Variants in EPHA4 observed in about 807,000 individuals in gnomAD.
The protein encoded by EPHA4 is EPH receptor A4.
Under a neutral mutation model 108.3 loss-of-function variants are expected in EPHA4, and 19 were observed. The observed-to-expected ratio is 0.18, with a 90% confidence interval of 0.12 to 0.26. The LOEUF is 0.26. Among genes scored for constraint, EPHA4 ranks in the 10% least tolerant of loss-of-function variants. The probability of loss-of-function intolerance (pLI) is 1.00; values close to 1 mark genes in which losing one functional copy is unlikely to be tolerated. For synonymous variants in EPHA4, 449 were observed against 455.5 expected (o/e 0.99, Z 0.18); for missense variants, 917 against 1,254.0 (o/e 0.73, Z 4.06).
intron 4 of EPHA4, among the ~76,000 whole-genome samples, chr2:221,486,556 C>T (rs1428502323): frequency 6.6e-6 from 1 of 151,708 alleles, no homozygotes; most frequent in African/African-American, 2.4e-5. Context: ...GTGAAACCCC[C>T]GTCTCTACTA....
intron 2 of EPHA4, among the ~76,000 whole-genome samples, chr2:221,567,427 G>T (rs1694700794): frequency 6.6e-6 from 1 of 152,090 alleles, no homozygotes; most frequent in African/African-American, 2.4e-5. Context: ...GAGGGCAATT[G>T]CCTGCAATCA....
chr2:221,557,529 T>C (rs1449000990), intron 3 of EPHA4, among the ~76,000 whole-genome samples: 2 of 152,220 alleles, frequency 1.3e-5, no homozygotes, highest in Non-Finnish European at 2.9e-5. Flanking sequence ...AAACGTGAAC[T>C]TGAGTTTAGG....
chr2:221,434,347 T>C, intron 13 of EPHA4, 56 bp from the exon 14 acceptor site: 1 of 1,577,052 alleles, frequency 6.3e-7, no homozygotes, highest in Non-Finnish European at 8.6e-7. Flanking sequence ...TGTGCCATTT[T>C]AGATTCTGAA....
intron 3 of EPHA4, among the ~76,000 whole-genome samples, chr2:221,523,006 G>T (rs568455293): frequency 6.6e-6 from 1 of 151,992 alleles, no homozygotes; most frequent in African/African-American, 2.4e-5. Context: ...CAGGTGATCC[G>T]CCTGCGTCGG....
At chr2:221,475,115 C>A (rs533221788) in intron 5 of EPHA4, among the ~76,000 whole-genome samples, 1 of 152,292 alleles carries the variant, frequency 6.6e-6, no homozygotes, top group Non-Finnish European at 1.5e-5. Flanking sequence ...AAGTGATCCA[C>A]TCGCCCTAGC....
intron 8 of EPHA4, among the ~76,000 whole-genome samples, chr2:221,452,093 C>G (rs1690805077): frequency 6.6e-6 from 1 of 152,216 alleles, no homozygotes; most frequent in Non-Finnish European, 1.5e-5. Context: ...CTGAGGTCAT[C>G]AGAAGGACTG....
At chr2:221,489,575 C>A (rs1220961377) in intron 4 of EPHA4, among the ~76,000 whole-genome samples, 1 of 152,136 alleles carries the variant, frequency 6.6e-6, no homozygotes, top group African/African-American at 2.4e-5. Flanking sequence ...CCTCCCTTTC[C>A]CTGTCCCAAT....
intron 14 of EPHA4, among the ~76,000 whole-genome samples, chr2:221,430,659 A>G (rs1158909442): frequency 6.6e-6 from 1 of 152,222 alleles, no homozygotes; most frequent in Admixed American, 6.5e-5. Context: ...TGTCAACACC[A>G]GAGTCCAAGT....
intron 2 of EPHA4, among the ~76,000 whole-genome samples, 179 bp from the exon 3 acceptor site, chr2:221,564,573 G>A (rs189999923): frequency 1.1e-3 from 155 of 147,072 alleles, no homozygotes; most frequent in African/African-American, 3.6e-3. Context: ...TTTTATTGAG[G>A]AAGTTTTTTT....
chr2:221,538,384 T>G (rs1241901721), intron 3 of EPHA4, among the ~76,000 whole-genome samples: 1 of 152,168 alleles, frequency 6.6e-6, no homozygotes, highest in Non-Finnish European at 1.5e-5. Flanking sequence ...GCAATGAGAG[T>G]AACTAGTATA....
chr2:221,512,420 C>T (rs1692857183), intron 3 of EPHA4, among the ~76,000 whole-genome samples: 2 of 152,220 alleles, frequency 1.3e-5, no homozygotes, highest in Non-Finnish European at 2.9e-5. Flanking sequence ...ATCCTCACCA[C>T]CGCTAGCACA....
intron 3 of EPHA4, among the ~76,000 whole-genome samples, chr2:221,558,689 G>T (rs533463791): frequency 4.1e-4 from 63 of 152,086 alleles, no homozygotes; most frequent in African/African-American, 1.5e-3. Context: ...CGATGTTTTG[G>T]TGAACCCCAA....
intron 4 of EPHA4, among the ~76,000 whole-genome samples, chr2:221,492,711 G>A (rs1347861568): frequency 3.3e-5 from 5 of 152,170 alleles, no homozygotes; most frequent in African/African-American, 4.8e-5. Flanking sequence ...CATCTGAATC[G>A]TCCAAATGTC....
chr2:221,535,306 T>C (rs1693634794), intron 3 of EPHA4, among the ~76,000 whole-genome samples: 1 of 152,244 alleles, frequency 6.6e-6, no homozygotes, highest in Admixed American at 6.5e-5. Context: ...AGTGTACATT[T>C]GTAATCAGTA....
intron 3 of EPHA4, among the ~76,000 whole-genome samples, chr2:221,549,727 C>G (rs1349091150): frequency 6.6e-6 from 1 of 152,250 alleles, no homozygotes; most frequent in African/African-American, 2.4e-5. Context: ...TGGCTCACGC[C>G]TGTAATCCCA....
At chr2:221,532,401 G>A (rs1196243142) in intron 3 of EPHA4, among the ~76,000 whole-genome samples, 2 of 152,190 alleles carry the variant, frequency 1.3e-5, no homozygotes, top group African/African-American at 4.8e-5. Context: ...GGGATGACAG[G>A]TGTGAGCCAC....
intron 9 of EPHA4, among the ~76,000 whole-genome samples, chr2:221,445,254 T>A (rs1250452015): frequency 1.3e-5 from 2 of 152,152 alleles, no homozygotes; most frequent in Admixed American, 1.3e-4. Context: ...AAAGTTCTAG[T>A]GGACAGCTCT....
At chr2:221,495,766 C>T (rs1339624659) in intron 4 of EPHA4, among the ~76,000 whole-genome samples, 1 of 152,172 alleles carries the variant, frequency 6.6e-6, no homozygotes, top group East Asian at 1.9e-4. Context: ...TACTTTTATT[C>T]ACCTGGTCTA....
chr2:221,433,368 T>C lies in EPHA4; in HGVS notation c.2496+774A>G, dbSNP rs184171580. Among the ~76,000 whole-genome samples, 22 of 152,324 alleles carry C rather than the reference T, an allele frequency of 1.4e-4. 1 individual carries two copies. The East Asian group carries it at 4.2e-3, about 29-fold the overall frequency. On this transcript the variant is annotated intron_variant, in intron 14 of 17. Coordinates refer to ENST00000281821, the MANE Select transcript of EPHA4 (RefSeq NM_004438.5). ...ATGGACTACCACATACATAAAAAAT[T>C]AGGAAAGTTCGAAAAGTATAGGTGG...
Sources: allele counts gnomAD v4.1 joint callset (sites outside exome capture counted in the v4.1 genomes callset), GRCh38; gene constraint gnomAD v4.1.1; transcripts MANE v1.5; gene names NCBI Gene and HGNC (gene_info 2026-07-23, HGNC 2026-07-21).